SLC9A9: variants seen among roughly 807,000 people sequenced by gnomAD.
SLC9A9 encodes solute carrier family 9 member A9, also known as sodium/hydrogen exchanger 9.
SLC9A9 carries 62 observed loss-of-function variants against 77.8 expected under a neutral mutation model. The observed-to-expected ratio is 0.80, with a 90% CI of 0.65 to 0.98. The LOEUF (loss-of-function observed/expected upper bound fraction) is 0.98. Ranked by LOEUF, SLC9A9 falls within the 50% of genes least tolerant of loss-of-function variation. SLC9A9 has a pLI of 0.00. For missense variants in SLC9A9, 775 were observed against 774.9 expected, an observed-to-expected ratio of 1.00 and a Z score of 0.00; for synonymous variants, 320 against 283.5, an observed-to-expected ratio of 1.13 and a Z score of -1.29.
chr3:143,805,846 C>T (rs1034225072), intron 2 of SLC9A9, among the ~76,000 whole-genome samples: 6 of 152,138 alleles, frequency 3.9e-5, no homozygotes, highest in African/African-American at 1.2e-4. Flanking sequence ...CGGACTCAGC[C>T]CGCCTGCACT....
intron 12 of SLC9A9, among the ~76,000 whole-genome samples, chr3:143,446,120 T>C (rs1346101253): frequency 1.3e-5 from 2 of 152,058 alleles, no homozygotes; most frequent in African/African-American, 4.8e-5. Context: ...GGTTTTTAAA[T>C]TATCCAGTGA....
intron 3 of SLC9A9, among the ~76,000 whole-genome samples, chr3:143,795,326 A>G (rs2008354896): frequency 6.7e-6 from 1 of 149,994 alleles, no homozygotes; most frequent in South Asian, 2.1e-4. Context: ...GTAGGTAGGG[A>G]TGAGAGAGAC....
At chr3:143,457,596 G>C (rs182460404) in intron 12 of SLC9A9, among the ~76,000 whole-genome samples, 20 of 152,158 alleles carry the variant, frequency 1.3e-4, no homozygotes, top group Admixed American at 2.6e-4. Context: ...GGTTTTCAGT[G>C]CTATACATTT....
intron 12 of SLC9A9, among the ~76,000 whole-genome samples, chr3:143,390,339 C>T (rs551841737): frequency 6.6e-5 from 10 of 152,314 alleles, no homozygotes; most frequent in African/African-American, 1.4e-4. Flanking sequence ...ACATTCTGAA[C>T]GGCTGTTCCT....
intron 6 of SLC9A9, chr3:143,627,337 G>T: frequency 4.7e-6 from 1 of 210,652 alleles, no homozygotes; most frequent in South Asian, 9.0e-5. Flanking sequence ...CTGGGGAATA[G>T]ATATCAGCTT....
At chr3:143,406,262 GCTTA>G (rs1238640148) in intron 12 of SLC9A9, among the ~76,000 whole-genome samples, 3 of 152,100 alleles carry the variant, frequency 2.0e-5, no homozygotes, top group African/African-American at 7.2e-5. Flanking sequence ...CATAGAGAAA[GCTTA>G]CTTATTTAAA....
chr3:143,444,381 A>G (rs1405662568), intron 12 of SLC9A9, among the ~76,000 whole-genome samples: 1 of 152,174 alleles, frequency 6.6e-6, no homozygotes, highest in Non-Finnish European at 1.5e-5. Context: ...ACCTCTTCCT[A>G]TCATGAAGCC....
intron 4 of SLC9A9, among the ~76,000 whole-genome samples, chr3:143,790,104 T>G (rs1576727659): frequency 6.6e-6 from 1 of 152,104 alleles, no homozygotes; most frequent in Admixed American, 6.5e-5. Flanking sequence ...GAGTTCTCAT[T>G]AGATCTGATA....
chr3:143,462,849 G>A (rs1050930079), intron 12 of SLC9A9, among the ~76,000 whole-genome samples: 29 of 152,320 alleles, frequency 1.9e-4, no homozygotes, highest in African/African-American at 6.7e-4. Context: ...GGTGCCAGAA[G>A]AATGCACTAG....
chr3:143,676,203 C>T (rs1290842279), intron 5 of SLC9A9, among the ~76,000 whole-genome samples: 1 of 152,166 alleles, frequency 6.6e-6, no homozygotes, highest in Admixed American at 6.5e-5. Context: ...CTGCCACTCA[C>T]CTCCTGCTGT....
chr3:143,493,764 G>A lies in SLC9A9; in HGVS notation c.1204C>T (p.Leu402=), dbSNP rs755338869. 1 of 1,605,988 alleles carries A rather than the reference G, an allele frequency of 6.2e-7. No homozygotes were observed. Among genetic ancestry groups the A allele is most frequent in the East Asian group, 2.2e-5 (1 of 44,838 alleles). The change falls in exon 11 of 16, where the codon CTA becomes TTA. Residue 402 remains leucine, a splice_region_variant and synonymous_variant. Coordinates refer to ENST00000316549, the MANE Select transcript of SLC9A9 (RefSeq NM_173653.4). The part of the protein sequence containing the change: ...FNALFILGAF[L]AIFVARACNI... Reference sequence around the variant, plus strand: ...CAGGCTCTGGCAACAAAAATTGCTAGCTGTAGATAAGCACAGGGAAACATT... The same window carrying A: ...CAGGCTCTGGCAACAAAAATTGCTAACTGTAGATAAGCACAGGGAAACATT...
intron 6 of SLC9A9, among the ~76,000 whole-genome samples, chr3:143,635,778 T>C (rs1208393216): frequency 6.6e-6 from 1 of 152,210 alleles, no homozygotes; most frequent in Non-Finnish European, 1.5e-5. Context: ...TGATGTGCTA[T>C]CAGGTCCGAG....
At chr3:143,844,898 C>A (rs559870275) in intron 1 of SLC9A9, among the ~76,000 whole-genome samples, 1 of 151,720 alleles carries the variant, frequency 6.6e-6, no homozygotes, top group South Asian at 2.1e-4. Flanking sequence ...TCTTTTCTTC[C>A]CCATTAGTTA....
chr3:143,840,975 C>G (rs909574626), intron 1 of SLC9A9, among the ~76,000 whole-genome samples: 3 of 152,112 alleles, frequency 2.0e-5, no homozygotes, highest in African/African-American at 7.2e-5. Context: ...ATCTCTACCT[C>G]TCTTCTGTAA....
At chr3:143,735,324 T>C (rs58518314) in intron 4 of SLC9A9, among the ~76,000 whole-genome samples, 6,241 of 152,240 alleles carry the variant, frequency 0.041, 385 homozygotes, top group African/African-American at 0.14. Context: ...CTCCTGTCCT[T>C]TGGGGAATTC....
intron 6 of SLC9A9, among the ~76,000 whole-genome samples, chr3:143,585,468 G>A (rs2037525546): frequency 6.6e-6 from 1 of 152,070 alleles, no homozygotes; most frequent in South Asian, 2.1e-4. Context: ...CCTCTTTACA[G>A]GACTGAACCA....
chr3:143,707,931 G>A (rs1461364253), intron 4 of SLC9A9, among the ~76,000 whole-genome samples: 1 of 152,140 alleles, frequency 6.6e-6, no homozygotes, highest in Non-Finnish European at 1.5e-5. Flanking sequence ...CCTCAAACTT[G>A]TCACCTTCCT....
At position 143,752,693 on chromosome 3, in the gene SLC9A9, T is replaced by C. The variant is rs1015330631; in HGVS notation, c.533+42308A>G. 2.0e-5 allele frequency among the ~76,000 whole-genome samples: 3 copies of C among 152,186 alleles called. No homozygotes were observed. In the East Asian group the frequency reaches 5.8e-4, roughly 29 times the overall value. On this transcript the variant is annotated intron_variant, in intron 4 of 15. Transcript: ENST00000316549. Reference sequence around the variant, plus strand: ...TATGTGAAAAGGTTTTTTTTTTTTTTTTTAAGTTATCCGTTAGATGCTCTG... The same window carrying C: ...TATGTGAAAAGGTTTTTTTTTTTTTCTTTAAGTTATCCGTTAGATGCTCTG...
chr3:143,271,587 T>C (rs1387294875), intron 14 of SLC9A9, among the ~76,000 whole-genome samples: 2 of 152,236 alleles, frequency 1.3e-5, no homozygotes, highest in Non-Finnish European at 2.9e-5. Context: ...TGTGCTCCAG[T>C]CATTTGGTGT....
Sources: allele counts gnomAD v4.1 joint callset (sites outside exome capture counted in the v4.1 genomes callset), GRCh38; gene constraint gnomAD v4.1.1; transcripts MANE v1.5; gene names NCBI Gene and HGNC (gene_info 2026-07-23, HGNC 2026-07-21).